Variants in PIGL observed in about 807,000 individuals in gnomAD.
PIGL encodes the protein phosphatidylinositol glycan anchor biosynthesis class L.
In PIGL, 22 loss-of-function variants were observed where a neutral mutation model predicts 31.1. The ratio of observed to expected loss-of-function variants is 0.71; its 90% CI spans 0.51 to 1.01. The LOEUF (loss-of-function observed/expected upper bound fraction) is 1.01. Among genes scored for constraint, PIGL ranks in the 50% least tolerant of loss-of-function variants. PIGL has a pLI of 0.00. For synonymous variants in PIGL, 131 were observed against 117.4 expected (o/e 1.12, Z -0.75); for missense variants, 302 against 315.9 (o/e 0.96, Z 0.33).
chr17:16,301,905 T>C (rs1465409302), intron 3 of PIGL, among the ~76,000 whole-genome samples: 1 of 151,922 alleles, frequency 6.6e-6, no homozygotes, highest in Non-Finnish European at 1.5e-5. Flanking sequence ...CTTGCTGTGT[T>C]GGCCAGGCTG....
At chr17:16,316,647 T>C in intron 4 of PIGL, 34 bp from the exon 5 acceptor site, 2 of 1,567,420 alleles carry the variant, frequency 1.3e-6, no homozygotes, top group Non-Finnish European at 1.7e-6. Context: ...AAATGATCCT[T>C]ACTCCTCTCA....
At chr17:16,270,871 C>T (rs1470703881) in intron 2 of PIGL, among the ~76,000 whole-genome samples, 3 of 147,572 alleles carry the variant, frequency 2.0e-5, no homozygotes, top group African/African-American at 5.1e-5. Context: ...CCAGCCTGTG[C>T]GACAGAGCGA....
chr17:16,317,348 C>T (rs947962174), intron 5 of PIGL: 61 of 933,426 alleles, frequency 6.5e-5, no homozygotes, highest in Non-Finnish European at 7.7e-5. Flanking sequence ...AGGTCTCACA[C>T]TATCAACACC....
intron 2 of PIGL, among the ~76,000 whole-genome samples, chr17:16,296,775 G>A (rs899947689): frequency 3.3e-5 from 5 of 151,878 alleles, no homozygotes; most frequent in African/African-American, 1.2e-4. Flanking sequence ...GGAGTGCAGT[G>A]GCACGGTCTC....
chr17:16,317,110 A>AT, intron 5 of PIGL: 1 of 1,041,590 alleles, frequency 9.6e-7, no homozygotes. Context: ...CACATAAAGT[A>AT]TTTGACCCTA....
chr17:16,226,187 CT>C (rs913147837), intron 1 of PIGL, among the ~76,000 whole-genome samples: 5 of 151,918 alleles, frequency 3.3e-5, no homozygotes, highest in African/African-American at 1.2e-4. Context: ...AACCAATCAC[CT>C]TTTTTTTCAT....
intron 2 of PIGL, among the ~76,000 whole-genome samples, chr17:16,286,229 A>G (rs1413587511): frequency 2.6e-5 from 4 of 152,254 alleles, no homozygotes; most frequent in African/African-American, 7.2e-5. Context: ...GCAGTGTGCA[A>G]AAGTGGGACT....
chr17:16,301,699 G>A (rs1331102718), intron 3 of PIGL, among the ~76,000 whole-genome samples: 1 of 151,334 alleles, frequency 6.6e-6, no homozygotes, highest in Non-Finnish European at 1.5e-5. Flanking sequence ...AGCCTCCCAA[G>A]TAGCTGGGAC....
intron 2 of PIGL, among the ~76,000 whole-genome samples, chr17:16,239,169 T>C (rs1356641747): frequency 6.6e-6 from 1 of 151,440 alleles, no homozygotes; most frequent in Non-Finnish European, 1.5e-5. Context: ...ACCCTGTCTC[T>C]AAAAATTAAA....
intron 3 of PIGL, among the ~76,000 whole-genome samples, chr17:16,309,634 A>C (rs2093039969): frequency 6.6e-6 from 1 of 151,948 alleles, no homozygotes; most frequent in Non-Finnish European, 1.5e-5. Flanking sequence ...GGTGGCATGC[A>C]CCTGTAATCC....
intron 3 of PIGL, among the ~76,000 whole-genome samples, chr17:16,310,058 A>G (rs2093042356): frequency 6.8e-6 from 1 of 147,858 alleles, no homozygotes; most frequent in East Asian, 2.0e-4. Flanking sequence ...AGCTTGGGCA[A>G]CAGAGTGAGA....
At chr17:16,252,319 G>A (rs1211224987) in intron 2 of PIGL, among the ~76,000 whole-genome samples, 5 of 151,820 alleles carry the variant, frequency 3.3e-5, no homozygotes, top group Admixed American at 3.3e-4. Context: ...TGGTCCACCC[G>A]CCTTGGCCTC....
intron 2 of PIGL, among the ~76,000 whole-genome samples, chr17:16,259,220 T>G (rs996751466): frequency 6.6e-6 from 1 of 152,130 alleles, no homozygotes. Context: ...TCTGTTTTGT[T>G]GCTTTTTTTC....
intron 2 of PIGL, among the ~76,000 whole-genome samples, chr17:16,291,864 C>CAA (rs201715351): frequency 5.1e-5 from 7 of 137,096 alleles, no homozygotes; most frequent in East Asian, 2.1e-4. Context: ...GACTCAATCT[C>CAA]AAAAAAAAAA....
At chr17:16,299,807 C>T in intron 2 of PIGL, 81 bp from the exon 3 acceptor site, 1 of 947,362 alleles carries the variant, frequency 1.1e-6, no homozygotes, top group Non-Finnish European at 1.7e-6. Context: ...TATCATAAAA[C>T]TGGGCATGCA....
chr17:16,263,928 G>A (rs1197791895), intron 2 of PIGL, among the ~76,000 whole-genome samples: 2 of 136,530 alleles, frequency 1.5e-5, no homozygotes, highest in African/African-American at 5.6e-5. Context: ...TGCAACCTCT[G>A]CCTCCTGAGT....
intron 2 of PIGL, among the ~76,000 whole-genome samples, chr17:16,266,740 C>T (rs1460562425): frequency 3.3e-5 from 5 of 151,960 alleles, no homozygotes; most frequent in East Asian, 1.9e-4. Flanking sequence ...GGAATACAGG[C>T]GCCCGCCACC....
intron 2 of PIGL, among the ~76,000 whole-genome samples, chr17:16,291,233 C>T (rs927398321): frequency 1.3e-5 from 2 of 152,066 alleles, no homozygotes; most frequent in East Asian, 1.9e-4. Context: ...TGGGGCTGGG[C>T]GTGGTGGCTC....
intron 2 of PIGL, among the ~76,000 whole-genome samples, chr17:16,284,308 C>T (rs1487656559): frequency 6.6e-6 from 1 of 152,024 alleles, no homozygotes; most frequent in Non-Finnish European, 1.5e-5. Flanking sequence ...GGTTCAAGGC[C>T]GGGAAATCCA....
Sources: gnomAD v4.1 joint callset for allele counts (sites outside exome capture counted in the v4.1 genomes callset) on GRCh38, gnomAD v4.1.1 for gene constraint, MANE v1.5 for transcripts, NCBI Gene and HGNC (gene_info 2026-07-23, HGNC 2026-07-21) for gene names.